The following BAALC variants were observed in gnomAD, a reference collection of about 807,000 sequenced individuals.
BAALC encodes brain and acute leukemia cytoplasmic protein.
BAALC carries 9 observed loss-of-function variants against 15.5 expected under a neutral mutation model. The observed-to-expected ratio is 0.58, with a 90% CI of 0.35 to 1.02. BAALC has a LOEUF of 1.02. Ranked by LOEUF, BAALC falls within the 50% of genes least tolerant of loss-of-function variation. The pLI, the probability that BAALC is intolerant of heterozygous loss-of-function variation, is 0.02. For synonymous variants in BAALC, 80 were observed against 74.6 expected (o/e 1.07, Z -0.37); for missense variants, 201 against 192.4 (o/e 1.04, Z -0.27).
intron 1 of BAALC, among the ~76,000 whole-genome samples, chr8:103,198,965 T>A (rs1301357508): frequency 6.6e-6 from 1 of 152,204 alleles, no homozygotes; most frequent in Non-Finnish European, 1.5e-5. Flanking sequence ...CACTATGTAT[T>A]TCTATCTATA....
chr8:103,167,372 A>C (rs1352370213), intron 1 of BAALC, among the ~76,000 whole-genome samples: 1 of 152,158 alleles, frequency 6.6e-6, no homozygotes, highest in Non-Finnish European at 1.5e-5. Context: ...TGTTCTTTGC[A>C]TTGTCCAATA....
At position 103,140,933 on chromosome 8, in the gene BAALC, G is replaced by A. The variant is rs962097545; in HGVS notation, c.36G>A (p.Glu12=). 13 of 1,531,000 alleles carry A rather than the reference G, an allele frequency of 8.5e-6. No homozygotes were observed. Among genetic ancestry groups the A allele is most frequent in the African/African-American group, 1.4e-5 (1 of 69,780 alleles). 94.8% of individuals were successfully genotyped at this position (1,531,000 alleles called of 1,614,324 possible). A position where few individuals can be genotyped will look rare whatever the true frequency, so the allele number is the denominator to read the frequency against. ...GCGGGAGCCGGGCGGATGCCATCGA[G>A]CCCCGCTACTACGAGAGCTGGACCC... ...GCGGSRADAI[E]PRYYESWTRE... is the part of the protein sequence containing the mutation. Residue 12 remains glutamate (E), a synonymous_variant, in exon 1 of 3, where the codon GAG becomes GAA. Transcript: ENST00000309982. This position sits in a 1 kb window ranked among gnomAD's most constrained non-coding sequence, Gnocchi z 4.2.
intron 1 of BAALC, among the ~76,000 whole-genome samples, chr8:103,177,193 G>GT (rs67361726): frequency 0.083 from 11,998 of 145,240 alleles, 1,158 homozygotes; most frequent in African/African-American, 0.23. Flanking sequence ...TTGTTGTTTT[G>GT]TTTTTTTTTT....
At chr8:103,220,860 T>C (rs1216079538) in intron 2 of BAALC, among the ~76,000 whole-genome samples, 1 of 152,226 alleles carries the variant, frequency 6.6e-6, no homozygotes, top group Non-Finnish European at 1.5e-5. Context: ...ACAGAAAAAT[T>C]GGTGTCTCAC....
At chr8:103,198,268 G>A in intron 1 of BAALC, 1 of 562,792 alleles carries the variant, frequency 1.8e-6, no homozygotes, top group Non-Finnish European at 3.1e-6. Flanking sequence ...ATTTTTGATA[G>A]CATATTTGAT....
intron 1 of BAALC, among the ~76,000 whole-genome samples, chr8:103,174,133 C>A (rs1811556162): frequency 6.6e-6 from 1 of 152,126 alleles, no homozygotes; most frequent in Admixed American, 6.5e-5. Flanking sequence ...AAGCTGATAG[C>A]TGCTCAGACT....
intron 1 of BAALC, among the ~76,000 whole-genome samples, chr8:103,149,849 C>T (rs575192779): frequency 6.6e-6 from 1 of 152,232 alleles, no homozygotes; most frequent in East Asian, 1.9e-4. Context: ...GTGATTCCTC[C>T]ATGTTTCCCT....
At chr8:103,155,659 A>G (rs779417614) in intron 1 of BAALC, among the ~76,000 whole-genome samples, 5 of 152,222 alleles carry the variant, frequency 3.3e-5, no homozygotes, top group Non-Finnish European at 7.3e-5. Flanking sequence ...TCCCATAGGA[A>G]GACCTGGCAG....
chr8:103,221,875 C>T lies in BAALC; in HGVS notation c.328-6114C>T, dbSNP rs147270279. On this transcript the variant is annotated intron_variant, in intron 2 of 2. Transcript: ENST00000309982. ...TGAGTGACCATGGCCCATGACACAGCCCTCAGGAGATCCTGAGAGTATGTG... is the reference window on the plus strand; with the variant it reads ...TGAGTGACCATGGCCCATGACACAGTCCTCAGGAGATCCTGAGAGTATGTG... 5.5e-4 allele frequency among the ~76,000 whole-genome samples: 84 copies of T among 152,284 alleles called. No homozygotes were observed. In the East Asian group the frequency reaches 0.012, roughly 21 times the overall value.
intron 1 of BAALC, chr8:103,202,659 TA>T (rs1312248304): frequency 9.9e-5 from 15 of 152,168 alleles, no homozygotes; most frequent in African/African-American, 3.4e-4. Flanking sequence ...TCTGGTAAAA[TA>T]TAGAGTATTG....
At chr8:103,207,800 A>G (rs1279817403) in intron 1 of BAALC, among the ~76,000 whole-genome samples, 1 of 152,204 alleles carries the variant, frequency 6.6e-6, no homozygotes, top group East Asian at 1.9e-4. Flanking sequence ...AGGAGGTAAA[A>G]AAATTATTTT....
intron 1 of BAALC, among the ~76,000 whole-genome samples, chr8:103,198,442 A>T (rs1372938103): frequency 6.6e-6 from 1 of 152,170 alleles, no homozygotes; most frequent in African/African-American, 2.4e-5. Flanking sequence ...AATGTTATAG[A>T]TAATGCCCTT....
intron 2 of BAALC, among the ~76,000 whole-genome samples, chr8:103,220,429 T>TTTTTC (rs1287407175): frequency 1.3e-5 from 2 of 152,186 alleles, no homozygotes; most frequent in Non-Finnish European, 2.9e-5. Context: ...TTCCCAGGGA[T>TTTTTC]TTTTCTTTTC....
chr8:103,154,235 G>A (rs746996718), intron 1 of BAALC, among the ~76,000 whole-genome samples: 2 of 152,086 alleles, frequency 1.3e-5, no homozygotes, highest in Non-Finnish European at 2.9e-5. Context: ...ACAGAAGGGG[G>A]TAGTCAGAGC....
At chr8:103,167,989 A>AAATATTT (rs1811386755) in intron 1 of BAALC, among the ~76,000 whole-genome samples, 7 of 152,160 alleles carry the variant, frequency 4.6e-5, no homozygotes, top group African/African-American at 1.7e-4. Context: ...ATTTTTTCAT[A>AAATATTT]GTTCCTGACT....
In BAALC at chr8:103,229,830, T is replaced by C. The variant is rs1411412854; in HGVS notation, c.*1731T>C. ...GAAAGGGCTTTTAGGAACTTTATGT[T>C]CTAAAAAATGTTTTTAACAATAATA... On this transcript the variant is annotated 3_prime_UTR_variant, in exon 3 of 3. Coordinates refer to ENST00000309982, the MANE Select transcript of BAALC (RefSeq NM_024812.3). 2.0e-5 allele frequency: 3 copies of C among 152,216 alleles called. No individual in the cohort carries two copies. The highest frequency in any genetic ancestry group is 2.9e-5 in the Non-Finnish European group (2 of 68,038). 9.4% of individuals were successfully genotyped at this position (152,216 alleles called of 1,614,324 possible).
In BAALC at chr8:103,216,775, C is replaced by T. The variant is rs116913245; in HGVS notation, c.327+3690C>T. 2.0e-3 allele frequency among the ~76,000 whole-genome samples: 305 copies of T among 152,372 alleles called. 2 individuals are homozygous for T. Among genetic ancestry groups the T allele is most frequent in the Admixed American group, 0.015 (230 of 15,302 alleles). ...ATAGGCGTGAGCCATTGCACCCGGC[C>T]ACTACCAAGTATTTATTCATATGTG... On this transcript the variant is annotated intron_variant, in intron 2 of 2. Coordinates refer to ENST00000309982, the MANE Select transcript of BAALC (RefSeq NM_024812.3).
At chr8:103,216,112 C>A (rs946184571) in intron 2 of BAALC, among the ~76,000 whole-genome samples, 4 of 152,226 alleles carry the variant, frequency 2.6e-5, no homozygotes, top group African/African-American at 9.6e-5. Context: ...ATAATTTTCT[C>A]ATTTTCATCG....
chr8:103,154,146 G>T (rs778097101), intron 1 of BAALC, among the ~76,000 whole-genome samples: 3 of 152,170 alleles, frequency 2.0e-5, no homozygotes, highest in Non-Finnish European at 4.4e-5. Context: ...ACGACCTCAT[G>T]GTGTGGCTTC....
Sources: gnomAD v4.1 joint callset for allele counts (sites outside exome capture counted in the v4.1 genomes callset) on GRCh38, gnomAD v4.1.1 for gene constraint, Gnocchi (gnomAD v3.1) non-coding constraint, MANE v1.5 for transcripts, NCBI Gene and HGNC (gene_info 2026-07-23, HGNC 2026-07-21) for gene names.